Variants in HEATR4 observed in about 807,000 individuals in gnomAD.
The protein encoded by HEATR4 is HEAT repeat-containing protein 4.
A neutral mutation model predicts 108.8 loss-of-function variants in HEATR4; 95 were observed. The ratio of observed to expected loss-of-function variants is 0.87; its 90% CI spans 0.74 to 1.04. The LOEUF (loss-of-function observed/expected upper bound fraction) is 1.04, where lower values mean the gene tolerates loss of function less well. Among genes scored for constraint, HEATR4 ranks in the 50% least tolerant of loss-of-function variants. HEATR4 has a pLI of 0.00. For missense variants in HEATR4, 1,152 were observed against 1,253.8 expected (o/e 0.92, Z 1.23); for synonymous variants, 443 against 459.4 (o/e 0.96, Z 0.46).
intron 5 of HEATR4, among the ~76,000 whole-genome samples, chr14:73,518,234 CT>C (rs891406725): frequency 1.4e-4 from 22 of 152,198 alleles, no homozygotes; most frequent in Admixed American, 4.6e-4. Context: ...AAAGGCACAA[CT>C]AGCAGGCCAG....
chr14:73,595,487 T>G, the HEATR4 span: 3 of 1,614,052 alleles, frequency 1.9e-6, no homozygotes, highest in East Asian at 2.2e-5. Context: ...GCCTCCTTAC[T>G]TCCCCCTGTG....
chr14:73,494,796 G>A (rs1886001275), intron 16 of HEATR4, among the ~76,000 whole-genome samples: 1 of 152,060 alleles, frequency 6.6e-6, no homozygotes, highest in Admixed American at 6.6e-5. Context: ...CCTGGCCTGG[G>A]GTGATCCTCC....
intron 7 of HEATR4, among the ~76,000 whole-genome samples, chr14:73,509,811 CATATAT>C (rs1566832128): frequency 5.1e-5 from 1 of 19,494 alleles, no homozygotes; most frequent in Non-Finnish European, 9.0e-5. Context: ...CCCATGAGCC[CATATAT>C]ATATATATAT....
the HEATR4 span, chr14:73,595,762 A>G: frequency 7.7e-7 from 1 of 1,294,398 alleles, no homozygotes. Context: ...TGTCTTTGTC[A>G]TTAATGGTGT....
At chr14:73,606,460 A>T in the HEATR4 span, among the ~76,000 whole-genome samples, 7 of 152,160 alleles carry the variant, frequency 4.6e-5, no homozygotes, top group Non-Finnish European at 1.0e-4. Context: ...AGTCTCCCAC[A>T]CAGCTGGCTC....
At chr14:73,493,652 A>G (rs1267328669) in intron 16 of HEATR4, among the ~76,000 whole-genome samples, 1 of 152,168 alleles carries the variant, frequency 6.6e-6, no homozygotes, top group African/African-American at 2.4e-5. Context: ...AGCCTGGCCA[A>G]CATGGCAAAA....
chr14:73,619,888 A>T, the HEATR4 span: 5 of 1,490,222 alleles, frequency 3.4e-6, no homozygotes, highest in South Asian at 2.8e-5. Context: ...TATTCATACA[A>T]CTTGTGTTGG....
At chr14:73,587,140 AAC>A in the HEATR4 span, among the ~76,000 whole-genome samples, 80,192 of 147,004 alleles carry the variant, frequency 0.55, 22,261 homozygotes, top group East Asian at 0.71. Context: ...TGTAAAAAAA[AAC>A]AAAAACAAAA....
At chr14:73,624,627 C>A in the HEATR4 span, among the ~76,000 whole-genome samples, 1 of 152,094 alleles carries the variant, frequency 6.6e-6, no homozygotes, top group African/African-American at 2.4e-5. Flanking sequence ...AAAAAAAACC[C>A]TCTTTTTAGT....
rs1555386802 is a variant in HEATR4 at position 73,479,419 on chromosome 14, T to TTCTTTC, written c.2845-578_2845-577insGAAAGA. 5.2e-3 allele frequency among the ~76,000 whole-genome samples: 544 copies of TTCTTTC among 105,138 alleles called. 8 individuals carry two copies. The highest frequency in any genetic ancestry group is 0.016 in the African/African-American group (414 of 25,366). 69.0% of individuals were successfully genotyped at this position (105,138 alleles called of 152,430 possible). On this transcript the variant is annotated intron_variant, in intron 17 of 17. Coordinates refer to ENST00000553558, the MANE Select transcript of HEATR4 (RefSeq NM_001220484.1). ...GTCAGCCACTGCGCCCGGCGTTTTT[T>TTCTTTC]TTTCTTTCTTTCTTTCTTTCTTTTT...
the HEATR4 span, among the ~76,000 whole-genome samples, chr14:73,609,364 C>A: frequency 6.6e-6 from 1 of 152,118 alleles, no homozygotes; most frequent in African/African-American, 2.4e-5. Context: ...GGACATTGGG[C>A]ATGCTGGGGG....
At chr14:73,580,192 T>C in the HEATR4 span, among the ~76,000 whole-genome samples, 2 of 152,064 alleles carry the variant, frequency 1.3e-5, 1 homozygote, top group Non-Finnish European at 2.9e-5. Flanking sequence ...AGTGGCGCTA[T>C]CATAGCTCAT....
the HEATR4 span, chr14:73,581,337 C>T: frequency 6.6e-6 from 1 of 151,966 alleles, no homozygotes. Context: ...TTGTGTCCTA[C>T]CTAGTGGAAA....
At chr14:73,593,884 T>C in the HEATR4 span, 1 of 1,612,868 alleles carries the variant, frequency 6.2e-7, no homozygotes, top group South Asian at 1.1e-5. Flanking sequence ...AGCCGTATGC[T>C]ACATGCTTCA....
At chr14:73,606,461 C>T in the HEATR4 span, among the ~76,000 whole-genome samples, 1 of 152,082 alleles carries the variant, frequency 6.6e-6, no homozygotes, top group Non-Finnish European at 1.5e-5. Flanking sequence ...GTCTCCCACA[C>T]AGCTGGCTCT....
At chr14:73,531,964 A>G (rs1208308002) in intron 1 of HEATR4, among the ~76,000 whole-genome samples, 4 of 114,892 alleles carry the variant, frequency 3.5e-5, no homozygotes, top group African/African-American at 1.1e-4. Context: ...CCCAGGAAGC[A>G]GAGGTTGCAG....
the HEATR4 span, among the ~76,000 whole-genome samples, chr14:73,628,516 G>A: frequency 1.8e-3 from 280 of 152,194 alleles, 1 homozygote; most frequent in African/African-American, 6.4e-3. Context: ...CACTTTGGGA[G>A]GCCGAGGCGG....
chr14:73,608,180 C>T, the HEATR4 span, among the ~76,000 whole-genome samples: 1 of 152,224 alleles, frequency 6.6e-6, no homozygotes, highest in East Asian at 1.9e-4. Flanking sequence ...GCCTTGGCCT[C>T]CCAAAGTGCT....
chr14:73,601,345 CTT>C, the HEATR4 span, among the ~76,000 whole-genome samples: 1,446 of 151,774 alleles, frequency 9.5e-3, 16 homozygotes, highest in African/African-American at 0.034. Flanking sequence ...GGACAGATCA[CTT>C]GAGGTCAGGA....
Sources: allele counts gnomAD v4.1 joint callset (sites outside exome capture counted in the v4.1 genomes callset), GRCh38; gene constraint gnomAD v4.1.1; transcripts MANE v1.5; gene names NCBI Gene and HGNC (gene_info 2026-07-23, HGNC 2026-07-21).